The following CD164 variants were observed in gnomAD, a reference collection of about 807,000 sequenced individuals.
The protein encoded by CD164 is CD164 molecule.
A neutral mutation model predicts 24.6 loss-of-function variants in CD164; 11 were observed. The ratio of observed to expected loss-of-function variants is 0.45; its 90% CI spans 0.28 to 0.74. The LOEUF (loss-of-function observed/expected upper bound fraction) is 0.74. Among genes scored for constraint, CD164 ranks in the 30% least tolerant of loss-of-function variants. The probability of loss-of-function intolerance (pLI) is 0.13; values close to 1 mark genes in which losing one functional copy is unlikely to be tolerated. For synonymous variants in CD164, 126 were observed against 100.3 expected (o/e 1.26, Z -1.53); for missense variants, 295 against 243.7 (o/e 1.21, Z -1.40).
At chr6:109,375,929 GTTAA>G in intron 4 of CD164, 141 bp downstream of exon 4, 1 of 625,354 alleles carries the variant, frequency 1.6e-6, no homozygotes, top group Non-Finnish European at 2.7e-6. Context: ...AGAGATTAAC[GTTAA>G]TTGCTGTGGT....
intron 1 of CD164, among the ~76,000 whole-genome samples, chr6:109,381,041 G>C (rs1303131479): frequency 6.6e-6 from 1 of 152,148 alleles, no homozygotes; most frequent in Non-Finnish European, 1.5e-5. Context: ...TGTAGAATAT[G>C]AATGCCGTGA....
chr6:109,381,838 C>A (rs2115175294), intron 1 of CD164: 2 of 533,786 alleles, frequency 3.7e-6, no homozygotes, highest in African/African-American at 1.9e-5. Context: ...GCGCGACGCC[C>A]GGCCCCATCC....
At chr6:109,372,988 T>C (rs1339250310) in intron 4 of CD164, 4 of 138,196 alleles carry the variant, frequency 2.9e-5, no homozygotes, top group Non-Finnish European at 6.5e-5. Flanking sequence ...TTAGGGAATA[T>C]ACCTCTGTTG....
chr6:109,373,027 A>G (rs1771173801), intron 4 of CD164, among the ~76,000 whole-genome samples: 1 of 152,180 alleles, frequency 6.6e-6, no homozygotes, highest in Non-Finnish European at 1.5e-5. Context: ...TGAAAAAAAA[A>G]GATTCATTAG....
In CD164 at chr6:109,381,564, T is replaced by A. The variant is rs548129524; in HGVS notation, c.175+640A>T. 1.0e-3 allele frequency: 730 copies of A among 702,624 alleles called. 14 individuals carry two copies. The South Asian group carries it at 0.011, about 10-fold the overall frequency. 43.5% of individuals were successfully genotyped at this position (702,624 alleles called of 1,614,324 possible). A position where few individuals can be genotyped will look rare whatever the true frequency, so the allele number is the denominator to read the frequency against. On this transcript the variant is annotated intron_variant, in intron 1 of 5. Coordinates refer to ENST00000310786, the MANE Select transcript of CD164 (RefSeq NM_006016.6). ...CCCGGTACATACATGGGTACTTTTC[T>A]TCCTTTTCGCATACTTTGAAGTGTG... is the stretch of plus-strand genomic sequence containing the variant.
chr6:109,379,299 G>C (rs1207738825), intron 2 of CD164, among the ~76,000 whole-genome samples: 1 of 151,292 alleles, frequency 6.6e-6, no homozygotes, highest in Non-Finnish European at 1.5e-5. Flanking sequence ...TTGAGCCTAG[G>C]ATTTCAAGAC....
At chr6:109,374,706 G>A (rs1233800649) in intron 4 of CD164, among the ~76,000 whole-genome samples, 3 of 152,114 alleles carry the variant, frequency 2.0e-5, no homozygotes, top group African/African-American at 7.2e-5. Flanking sequence ...ACTGGTGATG[G>A]ACCAGCTTAA....
chr6:109,379,446 T>A, intron 2 of CD164, 133 bp downstream of exon 2: 1 of 617,052 alleles, frequency 1.6e-6, no homozygotes, highest in Non-Finnish European at 2.8e-6. Flanking sequence ...ACTGGCACTT[T>A]AAAGGAGTAC....
Position 109,370,475 on chromosome 6 carries a change from G to A in CD164, c.371-8C>T. ...GCTGAACTGTGGGTTTAGCTGGAATGAAAACAAAATGTCTTTTTAAAAAAC... is the reference window on the plus strand; with the variant it reads ...GCTGAACTGTGGGTTTAGCTGGAATAAAAACAAAATGTCTTTTTAAAAAAC... On this transcript the variant is annotated splice_region_variant and splice_polypyrimidine_tract_variant and intron_variant, in intron 4 of 5. Coordinates refer to ENST00000310786, the MANE Select transcript of CD164 (RefSeq NM_006016.6). 6.2e-7 allele frequency: 1 copy of A among 1,609,726 alleles called. No homozygotes were observed.
intron 1 of CD164, 184 bp downstream of exon 1, chr6:109,382,020 C>T: frequency 4.4e-6 from 2 of 457,308 alleles, no homozygotes; most frequent in Non-Finnish European, 7.0e-6. Flanking sequence ...CAGCGCGCTC[C>T]CCACCCGGCC....
chr6:109,381,407 A>G (rs1000294827), intron 1 of CD164: 1 of 677,432 alleles, frequency 1.5e-6, no homozygotes, highest in African/African-American at 1.8e-5. Flanking sequence ...ATAGTTAAGA[A>G]AATTTTAAAA....
chr6:109,373,045 T>TA (rs142664745), intron 4 of CD164, among the ~76,000 whole-genome samples: 66 of 151,222 alleles, frequency 4.4e-4, no homozygotes, highest in African/African-American at 1.2e-3. Context: ...TAGGAAAGGT[T>TA]AAAAAAAAAT....
chr6:109,369,368 T>C (rs978719164), intron 5 of CD164, among the ~76,000 whole-genome samples: 2 of 152,192 alleles, frequency 1.3e-5, no homozygotes, highest in Non-Finnish European at 2.9e-5. Context: ...TAAACGTCAA[T>C]AGTGCTGAGA....
chr6:109,379,689 G>C (rs1466792413), intron 1 of CD164, 27 bp from the exon 2 acceptor site: 1 of 1,517,764 alleles, frequency 6.6e-7, no homozygotes, highest in Non-Finnish European at 9.1e-7. Context: ...AGAGATGCAT[G>C]AAATCAATGA....
intron 4 of CD164, 26 bp downstream of exon 4, chr6:109,376,048 G>C (rs1225268352): frequency 6.5e-7 from 1 of 1,536,392 alleles, no homozygotes; most frequent in Non-Finnish European, 8.8e-7. Flanking sequence ...TGAAGGAAAA[G>C]GAAGAAAACA....
chr6:109,382,426 T>A lies in CD164; in HGVS notation c.-48A>T. The A allele has an allele frequency of 6.9e-6, 10 of 1,456,534 alleles. No homozygotes were observed. Among genetic ancestry groups the A allele is most frequent in the Non-Finnish European group, 9.1e-6 (10 of 1,098,146 alleles). 90.2% of individuals were successfully genotyped at this position (1,456,534 alleles called of 1,614,324 possible). ...GGGAGAAAGCTAAGGCTCGCAACGCTCAGTCAACCCCTCAATCCCCTGCGG... is the reference window on the plus strand; with the variant it reads ...GGGAGAAAGCTAAGGCTCGCAACGCACAGTCAACCCCTCAATCCCCTGCGG... On this transcript the variant is annotated 5_prime_UTR_variant, in exon 1 of 6. Coordinates refer to ENST00000310786, the MANE Select transcript of CD164 (RefSeq NM_006016.6).
intron 4 of CD164, among the ~76,000 whole-genome samples, chr6:109,373,505 C>A (rs549488231): frequency 1.3e-5 from 2 of 152,278 alleles, no homozygotes; most frequent in Admixed American, 6.5e-5. Context: ...TCCCCCTTTA[C>A]AGCACCAAAG....
rs73527217 is a variant in CD164, at chr6:109,377,090, T to C, written c.331+810A>G. Among the ~76,000 whole-genome samples the C allele has an allele frequency of 3.7e-3, 564 of 152,284 alleles. 7 individuals carry two copies. The highest frequency in any genetic ancestry group is 0.012 in the African/African-American group (514 of 41,552). On this transcript the variant is annotated intron_variant, in intron 3 of 5. Coordinates refer to ENST00000310786, the MANE Select transcript of CD164 (RefSeq NM_006016.6). ...AATATGAGGTGGCAATGAGTTATGATTGTGCCACTGCACTCCAGCCTGGGC... is the reference window on the plus strand; with the variant it reads ...AATATGAGGTGGCAATGAGTTATGACTGTGCCACTGCACTCCAGCCTGGGC...
At chr6:109,376,141 T>A (rs764628680) in intron 3 of CD164, 29 bp from the exon 4 acceptor site, 3 of 1,522,254 alleles carry the variant, frequency 2.0e-6, no homozygotes, top group East Asian at 2.3e-5. Flanking sequence ...AGAAAAACCA[T>A]ATACATCAAA....
Sources: allele counts gnomAD v4.1 joint callset (sites outside exome capture counted in the v4.1 genomes callset), GRCh38; gene constraint gnomAD v4.1.1; transcripts MANE v1.5; gene names NCBI Gene and HGNC (gene_info 2026-07-23, HGNC 2026-07-21).